The following SCAP variants were observed in gnomAD, a reference collection of about 807,000 sequenced individuals.
The protein encoded by SCAP is sterol regulatory element-binding protein cleavage-activating protein.
Under a neutral mutation model 123.6 loss-of-function variants are expected in SCAP, and 65 were observed. The ratio of observed to expected loss-of-function variants is 0.53; its 90% confidence interval spans 0.43 to 0.65. The LOEUF (loss-of-function observed/expected upper bound fraction) is 0.65. SCAP is among the 30% of genes least tolerant of loss of function. SCAP has a pLI of 0.00. For missense variants in SCAP, 1,398 were observed against 1,712.5 expected (o/e 0.82, Z 3.24); for synonymous variants, 740 against 726.3 (o/e 1.02, Z -0.30).
chr3:47,463,290 C>T (rs1172598374), intron 1 of SCAP, among the ~76,000 whole-genome samples: 1 of 152,196 alleles, frequency 6.6e-6, no homozygotes, highest in Non-Finnish European at 1.5e-5. Flanking sequence ...ATCTCCCTGG[C>T]TACTCTCCCA....
intron 1 of SCAP, among the ~76,000 whole-genome samples, chr3:47,454,408 C>T (rs1707338638): frequency 6.6e-6 from 1 of 151,534 alleles, no homozygotes; most frequent in African/African-American, 2.4e-5. Context: ...GATATGTGTA[C>T]GTTGATTTAC....
Position 47,420,409 on chromosome 3 carries a change from G to A in SCAP, c.1563+145C>T, listed in dbSNP as rs188568722. The A allele has an allele frequency of 4.5e-4, 319 of 701,124 alleles. No homozygotes were observed. The highest frequency in any genetic ancestry group is 4.4e-3 in the African/African-American group (246 of 55,706). 43.4% of individuals were successfully genotyped at this position (701,124 alleles called of 1,614,324 possible). A position where few individuals can be genotyped will look rare whatever the true frequency, so the allele number is the denominator to read the frequency against. On this transcript the variant is annotated intron_variant, in intron 12 of 22. Transcript: ENST00000265565. The surrounding 1 kb of genome is among the most constrained non-coding windows in gnomAD (Gnocchi z 5.0). ...AGGGTCTGGGCAGGGAGGACACAAC[G>A]GGCAACTCCCCAGAGCCAGGCTTCC...
rs1206680700 is a variant in SCAP at position 47,473,055 on chromosome 3, G to GGCA, written c.-99+2743_-99+2744insTGC. Among the ~76,000 whole-genome samples, 107 of 76,970 alleles carry GGCA rather than the reference G, an allele frequency of 1.4e-3. 1 individual carries two copies. Among genetic ancestry groups the GGCA allele is most frequent in the Admixed American group, 3.6e-3 (17 of 4,662 alleles). The allele number at this position is 76,970 out of a possible 152,430, so 50.5% of individuals were successfully genotyped here. A position where few individuals can be genotyped will look rare whatever the true frequency, so the allele number is the denominator to read the frequency against. ...AGATCACGCCATTGCACTCCAGCCT[G>GGCA]GGCAAGAAGAGCGAAACTCCATCTC... On this transcript the variant is annotated intron_variant, in intron 1 of 22. Coordinates refer to ENST00000265565, the MANE Select transcript of SCAP (RefSeq NM_012235.4).
At chr3:47,432,930 C>T (rs1576276191) in intron 3 of SCAP, among the ~76,000 whole-genome samples, 2 of 152,328 alleles carry the variant, frequency 1.3e-5, no homozygotes, top group African/African-American at 4.8e-5. Context: ...GGGAAGGGGA[C>T]AGGCAGGTAA....
At position 47,418,465 on chromosome 3, in the gene SCAP, G is replaced by A; in HGVS notation, c.2187C>T (p.Leu729=). The A allele has an allele frequency of 6.3e-7, 1 of 1,599,668 alleles. No homozygotes were observed. Among genetic ancestry groups the A allele is most frequent in the Non-Finnish European group, 8.5e-7 (1 of 1,175,380 alleles). The change falls in exon 15 of 23, where the codon CTC becomes CTT. Residue 729 remains leucine (L), a synonymous_variant. Transcript: ENST00000265565. ...GIVLVLLLLC[L]YRVLCPRNYG... ...AGTTGCGCGGGCATAGCACGCGGTA[G>A]AGGCAGAGCAGCAGCAGCACCAAGA...
In SCAP at chr3:47,417,164, T is replaced by G. The variant is rs764560230; in HGVS notation, c.3014A>C (p.Glu1005Ala). Residue 1005 changes from glutamate to alanine, a missense_variant, in exon 18 of 23, where the codon GAG becomes GCG. Physicochemically the swap from Glu to Ala is moderately radical, Grantham distance 107. Transcript: ENST00000265565. Reference protein sequence around the residue: ...IEGVLCCSSEEVSSGITALVF... With the variant: ...IEGVLCCSSEAVSSGITALVF... ...CAGAGCGGTAATGCCTGAGGAGACC[T>G]CCTCGCTGCTGCAGCACAGCACCCC... is the stretch of plus-strand genomic sequence containing the variant. 1 of 1,612,848 alleles carries G rather than the reference T, an allele frequency of 6.2e-7. No individual in the cohort carries two copies. Among genetic ancestry groups the G allele is most frequent in the Non-Finnish European group, 8.5e-7 (1 of 1,179,968 alleles).
At chr3:47,475,624 G>C (rs1317283574) in intron 1 of SCAP, 175 bp downstream of exon 1, 1 of 152,300 alleles carries the variant, frequency 6.6e-6, no homozygotes, top group African/African-American at 2.4e-5. Context: ...GGGACGCGCG[G>C]CCCTGCCTCC....
At chr3:47,460,041 A>G (rs1237375447) in intron 1 of SCAP, among the ~76,000 whole-genome samples, 2 of 152,190 alleles carry the variant, frequency 1.3e-5, no homozygotes, top group African/African-American at 4.8e-5. Flanking sequence ...CCCTACTTGC[A>G]TGTCCATTTA....
chr3:47,417,019 A>C, intron 18 of SCAP, 103 bp downstream of exon 18: 1 of 996,726 alleles, frequency 1.0e-6, no homozygotes, highest in South Asian at 1.5e-5. Flanking sequence ...CAATCGAATC[A>C]TACAGTACAG....
At chr3:47,469,844 T>A (rs1420822231) in intron 1 of SCAP, 2 of 582,784 alleles carry the variant, frequency 3.4e-6, no homozygotes, top group Non-Finnish European at 6.6e-6. Context: ...AGACTCCATT[T>A]TGATCATAGT....
chr3:47,462,753 C>CAAAAAAAAAAAAA (rs369097240), intron 1 of SCAP, among the ~76,000 whole-genome samples: 11 of 79,576 alleles, frequency 1.4e-4, no homozygotes, highest in Non-Finnish European at 2.0e-4. Context: ...AACTCCGTCT[C>CAAAAAAAAAAAAA]AAAAAAAAAA....
intron 1 of SCAP, among the ~76,000 whole-genome samples, chr3:47,466,222 A>C (rs1446455497): frequency 2.6e-5 from 4 of 152,098 alleles, no homozygotes; most frequent in Non-Finnish European, 5.9e-5. Context: ...GCCAAAACAA[A>C]CTTGAAAAAC....
At position 47,415,347 on chromosome 3, in the gene SCAP, C is replaced by G. The variant is rs145074102; in HGVS notation, c.3057-167G>C. Reference sequence around the variant, plus strand: ...AGATGCTGGAGCCAGAGGGCAACTCCAAATATTAACCACCTTGTGCCTCAG... The same window carrying G: ...AGATGCTGGAGCCAGAGGGCAACTCGAAATATTAACCACCTTGTGCCTCAG... On this transcript the variant is annotated intron_variant, in intron 18 of 22. Transcript: ENST00000265565. Among the ~76,000 whole-genome samples the G allele has an allele frequency of 2.6e-5, 4 of 152,300 alleles. No homozygotes were observed. In the East Asian group the frequency reaches 7.7e-4, roughly 29 times the overall value.
Position 47,419,678 on chromosome 3 carries a change from G to A in SCAP, c.1590C>T (p.Ile530=), listed in dbSNP as rs775377959. 20 of 1,526,530 alleles carry A rather than the reference G, an allele frequency of 1.3e-5. No homozygotes were observed. The highest frequency in any genetic ancestry group is 1.7e-5 in the Non-Finnish European group (19 of 1,136,604). The allele number at this position is 1,526,530 out of a possible 1,614,324, so 94.6% of individuals were successfully genotyped here. A position where few individuals can be genotyped will look rare whatever the true frequency, so the allele number is the denominator to read the frequency against. ...GCCCTGCTGGGTCTGTGTATACCAG[G>A]ATGCCAATCCAGACAACGGTGCCAG... The part of the protein sequence containing the change: ...IMAGTVVWIG[I]LVYTDPAGLR... Residue 530 remains isoleucine (I), a synonymous_variant, in exon 13 of 23, where the codon ATC becomes ATT. Transcript: ENST00000265565. The surrounding 1 kb of genome is among the most constrained non-coding windows in gnomAD (Gnocchi z 5.0).
chr3:47,470,770 A>G (rs1707996988), intron 1 of SCAP, among the ~76,000 whole-genome samples: 1 of 152,174 alleles, frequency 6.6e-6, no homozygotes, highest in South Asian at 2.1e-4. Flanking sequence ...CTGAGGCAGG[A>G]GAGTCGCTTG....
intron 18 of SCAP, among the ~76,000 whole-genome samples, chr3:47,416,877 C>T (rs1310314642): frequency 1.3e-5 from 2 of 151,846 alleles, no homozygotes; most frequent in Non-Finnish European, 1.5e-5. Context: ...CCGCCCGCCT[C>T]GGCCTCCCAA....
intron 3 of SCAP, among the ~76,000 whole-genome samples, chr3:47,429,654 G>T (rs1352824803): frequency 6.6e-6 from 1 of 152,168 alleles, no homozygotes; most frequent in Non-Finnish European, 1.5e-5. Context: ...TAGAGATGGG[G>T]TCTCACTATG....
In SCAP at chr3:47,472,361, G is replaced by A. The variant is rs563734388; in HGVS notation, c.-99+3438C>T. 2.5e-4 allele frequency among the ~76,000 whole-genome samples: 37 copies of A among 150,610 alleles called. No homozygotes were observed. In the South Asian group the frequency reaches 4.0e-3, roughly 16 times the overall value. On this transcript the variant is annotated intron_variant, in intron 1 of 22. Coordinates refer to ENST00000265565, the MANE Select transcript of SCAP (RefSeq NM_012235.4). ...AGGCAGGAGAATGGCGTAAACCCGG[G>A]AAGCGGAGCTTGCAGTGAGCCGAGA...
intron 2 of SCAP, among the ~76,000 whole-genome samples, chr3:47,438,350 G>A (rs1706664627): frequency 6.6e-6 from 1 of 152,006 alleles, no homozygotes; most frequent in Non-Finnish European, 1.5e-5. Context: ...TGTATTATAT[G>A]CTGGGAACTG....
Sources: allele counts gnomAD v4.1 joint callset (sites outside exome capture counted in the v4.1 genomes callset), GRCh38; gene constraint gnomAD v4.1.1; non-coding constraint Gnocchi (gnomAD v3.1); transcripts MANE v1.5; gene names NCBI Gene and HGNC (gene_info 2026-07-23, HGNC 2026-07-21).